NLGN1: variants seen among roughly 807,000 people sequenced by gnomAD.
NLGN1 encodes the protein neuroligin 1, also known as neuroligin-1.
Under a neutral mutation model 65.5 loss-of-function variants are expected in NLGN1, and 12 were observed. The ratio of observed to expected loss-of-function variants is 0.18; its 90% CI spans 0.12 to 0.30. NLGN1 has a LOEUF of 0.30. Among genes scored for constraint, NLGN1 ranks in the 10% least tolerant of loss-of-function variants. NLGN1 has a pLI of 1.00. For missense variants in NLGN1, 750 were observed against 1,007.1 expected, an observed-to-expected ratio of 0.74 and a Z score of 3.46; for synonymous variants, 350 against 359.5, an observed-to-expected ratio of 0.97 and a Z score of 0.30.
At chr3:174,292,206 T>C in the NLGN1 span, among the ~76,000 whole-genome samples, 1 of 151,278 alleles carries the variant, frequency 6.6e-6, no homozygotes, top group Non-Finnish European at 1.5e-5. Context: ...AAAAAAGTTA[T>C]GCAAACTATG....
At chr3:174,233,013 A>C (rs980271769) in intron 4 of NLGN1, among the ~76,000 whole-genome samples, 1 of 152,220 alleles carries the variant, frequency 6.6e-6, no homozygotes, top group Non-Finnish European at 1.5e-5. Context: ...AATTTCCTTC[A>C]AAACCAAAGA....
chr3:173,642,353 T>C (rs994258891), intron 3 of NLGN1, among the ~76,000 whole-genome samples: 2 of 152,252 alleles, frequency 1.3e-5, no homozygotes, highest in Admixed American at 1.3e-4. Flanking sequence ...CTCTCAGGAC[T>C]GGGGAGATGC....
At chr3:173,444,985 G>C (rs1399035076) in intron 2 of NLGN1, among the ~76,000 whole-genome samples, 2 of 151,742 alleles carry the variant, frequency 1.3e-5, no homozygotes, top group Non-Finnish European at 2.9e-5. Context: ...CAAGGACTTG[G>C]CCGGGCGCGG....
At chr3:173,588,201 T>C (rs765991372) in intron 2 of NLGN1, among the ~76,000 whole-genome samples, 1 of 152,232 alleles carries the variant, frequency 6.6e-6, no homozygotes, top group Admixed American at 6.5e-5. Context: ...ATGTTTTTAT[T>C]GCTTTTTAAG....
intron 2 of NLGN1, among the ~76,000 whole-genome samples, chr3:173,541,015 T>C (rs1363761974): frequency 1.3e-5 from 2 of 152,092 alleles, no homozygotes; most frequent in Non-Finnish European, 2.9e-5. Context: ...GTATCAAGGA[T>C]GATAAATACA....
chr3:173,807,936 T>TA (rs1290418815), intron 4 of NLGN1, 104 bp downstream of exon 4: 1 of 1,224,398 alleles, frequency 8.2e-7, no homozygotes, highest in Non-Finnish European at 1.2e-6. Context: ...CCCATTTTTT[T>TA]ATGCGTGTTG....
intron 4 of NLGN1, among the ~76,000 whole-genome samples, chr3:174,072,523 G>A (rs971191567): frequency 6.6e-6 from 1 of 152,066 alleles, no homozygotes; most frequent in Non-Finnish European, 1.5e-5. Flanking sequence ...GAAAGTGTGG[G>A]GCACATCAAG....
intron 3 of NLGN1, among the ~76,000 whole-genome samples, chr3:173,795,792 T>G (rs889649952): frequency 2.0e-5 from 3 of 152,152 alleles, no homozygotes; most frequent in Non-Finnish European, 4.4e-5. Flanking sequence ...GAATACATCC[T>G]TGAGAACATT....
At chr3:174,131,242 CTAT>C (rs1720120045) in intron 4 of NLGN1, among the ~76,000 whole-genome samples, 1 of 152,056 alleles carries the variant, frequency 6.6e-6, no homozygotes, top group Non-Finnish European at 1.5e-5. Context: ...AGTAACATAC[CTAT>C]TATTTTATCT....
intron 4 of NLGN1, among the ~76,000 whole-genome samples, chr3:173,841,014 C>G (rs1724664698): frequency 6.6e-6 from 1 of 152,296 alleles, no homozygotes; most frequent in African/African-American, 2.4e-5. Flanking sequence ...GACAATTTCA[C>G]ACTGTGACCA....
chr3:174,154,206 C>G (rs1460181457), intron 4 of NLGN1, among the ~76,000 whole-genome samples: 2 of 151,864 alleles, frequency 1.3e-5, no homozygotes, highest in Non-Finnish European at 2.9e-5. Flanking sequence ...GCATCCTGGA[C>G]AGAAAATGAA....
At chr3:173,876,995 G>A (rs1732241824) in intron 4 of NLGN1, among the ~76,000 whole-genome samples, 1 of 152,066 alleles carries the variant, frequency 6.6e-6, no homozygotes, top group Non-Finnish European at 1.5e-5. Context: ...ATTCAAATTG[G>A]TGAGTAAAAC....
chr3:173,873,892 A>G (rs1731644180), intron 4 of NLGN1, among the ~76,000 whole-genome samples: 1 of 152,184 alleles, frequency 6.6e-6, no homozygotes, highest in Non-Finnish European at 1.5e-5. Context: ...TAAAGATATA[A>G]TTAAGGTAAA....
intron 4 of NLGN1, among the ~76,000 whole-genome samples, chr3:173,893,042 C>T (rs1232783634): frequency 6.6e-6 from 1 of 152,142 alleles, no homozygotes; most frequent in Non-Finnish European, 1.5e-5. Context: ...GCATGAGAAT[C>T]AGACAGAAAA....
chr3:173,752,562 G>GT (rs1439679915), intron 3 of NLGN1, among the ~76,000 whole-genome samples: 2 of 151,962 alleles, frequency 1.3e-5, no homozygotes, highest in Non-Finnish European at 2.9e-5. Flanking sequence ...TCTTTCCTTT[G>GT]TTTAAAAAGC....
intron 4 of NLGN1, among the ~76,000 whole-genome samples, chr3:174,046,886 G>A (rs1201876369): frequency 2.0e-5 from 3 of 151,836 alleles, no homozygotes; most frequent in Non-Finnish European, 4.4e-5. Flanking sequence ...AAAGTGAATG[G>A]GTATGAGAGT....
chr3:174,083,125 C>G (rs1049716995), intron 4 of NLGN1, among the ~76,000 whole-genome samples: 2 of 151,962 alleles, frequency 1.3e-5, no homozygotes, highest in Non-Finnish European at 1.5e-5. Context: ...AAATAAATAT[C>G]AGACATATAA....
chr3:173,757,486 G>A (rs1013791858), intron 3 of NLGN1, among the ~76,000 whole-genome samples: 2 of 151,910 alleles, frequency 1.3e-5, no homozygotes, highest in Non-Finnish European at 2.9e-5. Context: ...ATTAAACTAT[G>A]TAAAAAAACC....
chr3:173,914,191 C>T (rs1490677122), intron 4 of NLGN1, among the ~76,000 whole-genome samples: 8 of 152,122 alleles, frequency 5.3e-5, no homozygotes, highest in Admixed American at 3.9e-4. Context: ...GCTGAGTTCC[C>T]ATTGTTGTTT....
Sources: gnomAD v4.1 joint callset for allele counts (sites outside exome capture counted in the v4.1 genomes callset) on GRCh38, gnomAD v4.1.1 for gene constraint, MANE v1.5 for transcripts, NCBI Gene and HGNC (gene_info 2026-07-23, HGNC 2026-07-21) for gene names.